The following IST1 variants were observed in gnomAD, a reference collection of about 807,000 sequenced individuals.
IST1 encodes IST1 factor associated with ESCRT-III, also known as IST1 homolog.
Under a neutral mutation model 37.0 loss-of-function variants are expected in IST1, and 23 were observed. The observed-to-expected ratio is 0.62, with a 90% confidence interval of 0.45 to 0.88. IST1 has a LOEUF of 0.88. Among genes scored for constraint, IST1 ranks in the 40% least tolerant of loss-of-function variants. The pLI, the probability that IST1 is intolerant of heterozygous loss-of-function variation, is 0.00. For synonymous variants in IST1, 180 were observed against 161.7 expected (o/e 1.11, Z -0.86); for missense variants, 488 against 445.4 (o/e 1.10, Z -0.86).
rs1189645322 is a variant in IST1 at position 71,923,388 on chromosome 16, C to A, written c.852+8C>A. Reference sequence around the variant, plus strand: ...CCCCCATCGTATGAATCTGTAAGTGCCTGAGCCTCTTTTATAAGCAACAGG... The same window carrying A: ...CCCCCATCGTATGAATCTGTAAGTGACTGAGCCTCTTTTATAAGCAACAGG... On this transcript the variant is annotated splice_region_variant and intron_variant, in intron 8 of 9. Transcript: ENST00000378799. The A allele has an allele frequency of 2.6e-6, 4 of 1,561,580 alleles. No homozygotes were observed. The highest frequency in any genetic ancestry group is 3.5e-6 in the Non-Finnish European group (4 of 1,132,944).
At chr16:71,927,524 C>T in intron 9 of IST1, 90 bp from the exon 10 acceptor site, 1 of 916,196 alleles carries the variant, frequency 1.1e-6, no homozygotes, top group African/African-American at 1.7e-5. Flanking sequence ...AAGGTTTTCT[C>T]CTGTGTTTTG....
chr16:71,919,830 C>T (rs997272411), intron 4 of IST1, among the ~76,000 whole-genome samples: 10 of 152,284 alleles, frequency 6.6e-5, no homozygotes, highest in African/African-American at 2.2e-4. Context: ...ACTGTAGTTG[C>T]AGTTGTACCT....
In IST1 at chr16:71,898,976, A is replaced by G. The variant is rs1337735967; in HGVS notation, c.-16+3387A>G. On this transcript the variant is annotated intron_variant, in intron 1 of 9. Transcript: ENST00000378799. The stretch of plus-strand genomic sequence containing the variant: ...CAAGCCTCTATCTCAAAAAAAAAAA[A>G]AAAAAAAGAAACACTCTTGGTAAAA... Among the ~76,000 whole-genome samples, 6 of 152,056 alleles carry G rather than the reference A, an allele frequency of 3.9e-5. No homozygotes were observed. The East Asian group carries it at 1.2e-3, about 29-fold the overall frequency.
chr16:71,898,884 G>A (rs560557770), intron 1 of IST1, among the ~76,000 whole-genome samples: 1 of 149,540 alleles, frequency 6.7e-6, no homozygotes, highest in Non-Finnish European at 1.5e-5. Context: ...AGAATCACTT[G>A]AACCTAGGAG....
intron 8 of IST1, chr16:71,924,261 C>G: frequency 2.3e-6 from 1 of 441,548 alleles, no homozygotes; most frequent in South Asian, 1.6e-5. Flanking sequence ...GTGAAAGTAT[C>G]ATTAAAGTTG....
chr16:71,914,250 C>T (rs2037422369), intron 1 of IST1, among the ~76,000 whole-genome samples: 1 of 151,616 alleles, frequency 6.6e-6, no homozygotes, highest in Non-Finnish European at 1.5e-5. Flanking sequence ...CCTCCACCTC[C>T]CGGGTTCAAG....
intron 8 of IST1, chr16:71,924,135 T>G (rs771496686): frequency 2.2e-6 from 1 of 456,052 alleles, no homozygotes; most frequent in South Asian, 1.5e-5. Context: ...ATGCTTTGGT[T>G]TTGCATGCGT....
At chr16:71,923,892 G>C (rs951729238) in intron 8 of IST1, among the ~76,000 whole-genome samples, 1 of 151,870 alleles carries the variant, frequency 6.6e-6, no homozygotes, top group African/African-American at 2.4e-5. Flanking sequence ...ATAATACCTC[G>C]AACTGTAGGT....
chr16:71,919,757 T>C (rs2037539272), intron 4 of IST1, among the ~76,000 whole-genome samples: 1 of 152,162 alleles, frequency 6.6e-6, no homozygotes, highest in Non-Finnish European at 1.5e-5. Context: ...ACTTTTCTGA[T>C]CAGATTTGAT....
At position 71,927,887 on chromosome 16, in the gene IST1, CATGAAATTCT is replaced by C. The variant is rs1205128849; in HGVS notation, c.*75_*84del. On this transcript the variant is annotated 3_prime_UTR_variant, in exon 10 of 10. Coordinates refer to ENST00000378799, the MANE Select transcript of IST1 (RefSeq NM_001270975.2). Reference sequence around the variant, plus strand: ...ATTTCTCCTTGTAACAAAGAATCTCCATGAAATTCTGTTTCATCTGTTAACCGTCACTCAG... The same window carrying C: ...ATTTCTCCTTGTAACAAAGAATCTCCGTTTCATCTGTTAACCGTCACTCAG... 2 of 1,060,546 alleles carry C rather than the reference CATGAAATTCT, an allele frequency of 1.9e-6. No individual in the cohort carries two copies. Among genetic ancestry groups the C allele is most frequent in the Non-Finnish European group, 2.9e-6 (2 of 693,318 alleles). 65.7% of individuals were successfully genotyped at this position (1,060,546 alleles called of 1,614,324 possible).
intron 3 of IST1, 95 bp from the exon 4 acceptor site, chr16:71,916,952 G>T (rs140641413): frequency 1.4e-6 from 1 of 730,504 alleles, no homozygotes; most frequent in Admixed American, 3.0e-5. Flanking sequence ...GAGATTCACA[G>T]AATGGCTTTG....
Position 71,921,402 on chromosome 16 carries a change from T to C in IST1, c.501T>C (p.Ile167=), listed in dbSNP as rs1432575806. The C allele has an allele frequency of 1.2e-6, 2 of 1,613,898 alleles. No individual in the cohort carries two copies. The highest frequency in any genetic ancestry group is 2.2e-5 in the East Asian group (1 of 44,880). Residue 167 remains isoleucine, a synonymous_variant, in exon 6 of 10, where the codon ATT becomes ATC. Coordinates refer to ENST00000378799, the MANE Select transcript of IST1 (RefSeq NM_001270975.2). ...AAATCCTGGTGGAGAGATACCTGAT[T>C]GAAATTGCAAAGAATTACAACGTAC... is the stretch of plus-strand genomic sequence containing the variant. The part of the protein sequence containing the change: ...PPKILVERYL[I]EIAKNYNVPY...
At chr16:71,927,590 C>T (rs373652905) in intron 9 of IST1, 24 bp from the exon 10 acceptor site, 97 of 1,544,818 alleles carry the variant, frequency 6.3e-5, no homozygotes, top group Non-Finnish European at 7.4e-5. Context: ...GTATTTGTAA[C>T]GTTGTGCTCC....
In IST1 at chr16:71,901,511, C is replaced by T. The variant is rs192336775; in HGVS notation, c.-16+5922C>T. ...TACAGGTGTGAGCCACCGCGCCCTG[C>T]GTAGTCTTTTGCTTTAAATTCGTTT... On this transcript the variant is annotated intron_variant, in intron 1 of 9. Transcript: ENST00000378799. Among the ~76,000 whole-genome samples the T allele has an allele frequency of 6.3e-4, 96 of 152,266 alleles. 1 individual carries two copies. Among genetic ancestry groups the T allele is most frequent in the Admixed American group, 6.1e-3 (93 of 15,282 alleles).
Position 71,895,539 on chromosome 16 carries a change from T to A in IST1, c.-66T>A, listed in dbSNP as rs2036944482. The A allele has an allele frequency of 1.0e-6, 1 of 985,676 alleles. No homozygotes were observed. The highest frequency in any genetic ancestry group is 1.2e-6 in the Non-Finnish European group (1 of 830,050). 61.1% of individuals were successfully genotyped at this position (985,676 alleles called of 1,614,324 possible). A position where few individuals can be genotyped will look rare whatever the true frequency, so the allele number is the denominator to read the frequency against. On this transcript the variant is annotated 5_prime_UTR_variant, in exon 1 of 10. The change abolishes an upstream ATG in the 5' untranslated region. Transcript: ENST00000378799. ...AGGCCGAGGGAGTCGCCATTTTGGATGGTGAACCCTGAAGTCGGTGTCTGC... is the reference window on the plus strand; with the variant it reads ...AGGCCGAGGGAGTCGCCATTTTGGAAGGTGAACCCTGAAGTCGGTGTCTGC...
intron 1 of IST1, among the ~76,000 whole-genome samples, chr16:71,913,086 A>C (rs2037393725): frequency 6.6e-6 from 1 of 152,200 alleles, no homozygotes; most frequent in Non-Finnish European, 1.5e-5. Flanking sequence ...AGCTCTTTAA[A>C]GTTCTGCTTT....
intron 1 of IST1, among the ~76,000 whole-genome samples, chr16:71,900,147 C>G: frequency 7.9e-6 from 1 of 126,056 alleles, no homozygotes; most frequent in South Asian, 2.6e-4. Context: ...GCCTGGGCAA[C>G]AAGAGTGAAA....
At chr16:71,923,505 G>T in intron 8 of IST1, 125 bp downstream of exon 8, 1 of 561,956 alleles carries the variant, frequency 1.8e-6, no homozygotes, top group African/African-American at 1.9e-5. Context: ...TTTTGCTTTG[G>T]GATTCTTGTG....
At chr16:71,904,495 C>T (rs1237045116) in intron 1 of IST1, among the ~76,000 whole-genome samples, 1 of 152,218 alleles carries the variant, frequency 6.6e-6, no homozygotes, top group Non-Finnish European at 1.5e-5. Context: ...TGTCTGCAGC[C>T]TTGACCTCCT....
Sources: gnomAD v4.1 joint callset for allele counts (sites outside exome capture counted in the v4.1 genomes callset) on GRCh38, gnomAD v4.1.1 for gene constraint, MANE v1.5 for transcripts, NCBI Gene and HGNC (gene_info 2026-07-23, HGNC 2026-07-21) for gene names.